The following TFCP2 variants were observed in gnomAD, a reference collection of about 807,000 sequenced individuals.
TFCP2 encodes the protein alpha-globin transcription factor CP2.
In TFCP2, 33 loss-of-function variants were observed where a neutral mutation model predicts 73.4. That is an observed-to-expected ratio of 0.45 (90% CI 0.34 to 0.60). The LOEUF (loss-of-function observed/expected upper bound fraction) is 0.60, where lower values mean the gene tolerates loss of function less well. Ranked by LOEUF, TFCP2 falls within the 20% of genes least tolerant of loss-of-function variation. The pLI is 0.01. For missense variants in TFCP2, 352 were observed against 604.0 expected (o/e 0.58, Z 4.37); for synonymous variants, 193 against 211.6 (o/e 0.91, Z 0.76).
intron 1 of TFCP2, among the ~76,000 whole-genome samples, chr12:51,152,787 T>G (rs1941455838): frequency 2.6e-5 from 4 of 152,216 alleles, no homozygotes; most frequent in Admixed American, 2.6e-4. Flanking sequence ...CCCAACTGCT[T>G]TTTATTGTGA....
intron 1 of TFCP2, among the ~76,000 whole-genome samples, chr12:51,163,608 T>TA (rs908408060): frequency 4.0e-5 from 6 of 151,050 alleles, no homozygotes; most frequent in Non-Finnish European, 7.4e-5. Context: ...AATAAATAAA[T>TA]AATAATAACA....
chr12:51,112,492 C>T (rs959754648), intron 4 of TFCP2, among the ~76,000 whole-genome samples: 2 of 152,062 alleles, frequency 1.3e-5, no homozygotes, highest in Non-Finnish European at 2.9e-5. Context: ...AAGAGTATTG[C>T]TATTGAAGGG....
intron 1 of TFCP2, among the ~76,000 whole-genome samples, chr12:51,169,506 GA>G (rs1156270636): frequency 1.3e-4 from 16 of 121,884 alleles, no homozygotes; most frequent in Admixed American, 2.5e-4. Context: ...ATCTCAAAAA[GA>G]AAAAAAAAAA....
chr12:51,108,970 T>C, intron 6 of TFCP2, 151 bp downstream of exon 6: 4 of 814,650 alleles, frequency 4.9e-6, no homozygotes, highest in Non-Finnish European at 5.7e-6. Context: ...ACCAGGCATC[T>C]TGGTAATTAT....
intron 11 of TFCP2, among the ~76,000 whole-genome samples, chr12:51,100,131 T>C (rs574829564): frequency 7.4e-4 from 112 of 152,354 alleles, no homozygotes; most frequent in African/African-American, 2.4e-3. Context: ...TGACTGCCAT[T>C]CACTTACATT....
intron 5 of TFCP2, among the ~76,000 whole-genome samples, chr12:51,109,966 G>T (rs1294340408): frequency 6.6e-6 from 1 of 152,060 alleles, no homozygotes; most frequent in Non-Finnish European, 1.5e-5. Context: ...TGATCTGCCT[G>T]CCTCGGCCTC....
chr12:51,095,402 G>A lies in TFCP2; in HGVS notation c.1472-124C>T. ...AGGGAGGTGGAGGTTGCAGTGAGCT[G>A]AGATCACGCCACTGGACTCCAGCTT... On this transcript the variant is annotated intron_variant, in intron 14 of 14. Coordinates refer to ENST00000257915, the MANE Select transcript of TFCP2 (RefSeq NM_005653.5). 4 of 992,670 alleles carry A rather than the reference G, an allele frequency of 4.0e-6. No homozygotes were observed. In the Admixed American group the frequency reaches 5.4e-5, roughly 13 times the overall value. The allele number at this position is 992,670 out of a possible 1,614,324, so 61.5% of individuals were successfully genotyped here.
At chr12:51,145,849 G>C (rs1456572915) in intron 1 of TFCP2, among the ~76,000 whole-genome samples, 2 of 151,812 alleles carry the variant, frequency 1.3e-5, no homozygotes, top group African/African-American at 4.8e-5. Context: ...CTCCTTGACA[G>C]GCAGAGGCAG....
chr12:51,164,849 A>G (rs890536298), intron 1 of TFCP2, among the ~76,000 whole-genome samples: 6 of 152,214 alleles, frequency 3.9e-5, no homozygotes, highest in African/African-American at 1.4e-4. Flanking sequence ...AAAAGTCTCA[A>G]CAAACCTATA....
Position 51,095,242 on chromosome 12 carries a change from T to A in TFCP2, c.1508A>T (p.Ter503LeuextTer77). 6.2e-7 allele frequency: 1 copy of A among 1,614,072 alleles called. No homozygotes were observed. The highest frequency in any genetic ancestry group is 8.5e-7 in the Non-Finnish European group (1 of 1,180,026). Residue 503 changes from the stop codon to leucine (L), a stop_lost, in exon 15 of 15, where the codon TAG (stop) becomes TTG (leucine). Transcript: ENST00000257915. ...TNDSYHIILK[*>L] ...CACTGGGCACGAAACGCCGCACTCC[T>A]ACTTCAGTATGATATGATAGCTATC...
chr12:51,155,884 A>G (rs1941524764), intron 1 of TFCP2, among the ~76,000 whole-genome samples: 1 of 152,154 alleles, frequency 6.6e-6, no homozygotes, highest in South Asian at 2.1e-4. Flanking sequence ...TCCACTAAAA[A>G]TTTAAAAATT....
At chr12:51,136,477 C>T (rs1941063401) in intron 1 of TFCP2, among the ~76,000 whole-genome samples, 1 of 151,962 alleles carries the variant, frequency 6.6e-6, no homozygotes, top group Admixed American at 6.6e-5. Context: ...AGCAGTATTA[C>T]TGATAATAAA....
At chr12:51,164,037 T>C (rs1941702859) in intron 1 of TFCP2, among the ~76,000 whole-genome samples, 1 of 151,402 alleles carries the variant, frequency 6.6e-6, no homozygotes, top group African/African-American at 2.4e-5. Context: ...CCCATCTCTA[T>C]GAAATTAAAA....
chr12:51,133,365 C>T (rs1387994054), intron 1 of TFCP2, among the ~76,000 whole-genome samples: 2 of 151,728 alleles, frequency 1.3e-5, no homozygotes, highest in Non-Finnish European at 2.9e-5. Context: ...GGTACAGTGG[C>T]GTAATCACCA....
chr12:51,141,745 C>CA (rs1034022986), intron 1 of TFCP2, among the ~76,000 whole-genome samples: 2,143 of 135,950 alleles, frequency 0.016, 49 homozygotes, highest in African/African-American at 0.051. Context: ...ACTAAAAATA[C>CA]AAAAAAAAAA....
intron 5 of TFCP2, among the ~76,000 whole-genome samples, chr12:51,110,180 T>C (rs1258223068): frequency 6.6e-6 from 1 of 152,202 alleles, no homozygotes; most frequent in African/African-American, 2.4e-5. Context: ...AATAAGGATT[T>C]TCAAGGACTC....
intron 1 of TFCP2, among the ~76,000 whole-genome samples, chr12:51,162,075 GAAGA>G (rs1444422004): frequency 6.6e-6 from 1 of 151,928 alleles, no homozygotes; most frequent in Non-Finnish European, 1.5e-5. Flanking sequence ...TGAACAGGCA[GAAGA>G]AAGAATCAAT....
intron 7 of TFCP2, 124 bp from the exon 8 acceptor site, chr12:51,106,737 G>T: frequency 1.4e-6 from 1 of 739,208 alleles, no homozygotes; most frequent in Non-Finnish European, 2.3e-6. Context: ...ACTCCCATAA[G>T]CAATAGAGAA....
chr12:51,171,404 G>A (rs992598436), intron 1 of TFCP2, among the ~76,000 whole-genome samples: 4 of 152,180 alleles, frequency 2.6e-5, no homozygotes, highest in Non-Finnish European at 5.9e-5. Context: ...TTCAAATGGA[G>A]TCTCACTTTG....
Sources: gnomAD v4.1 joint callset for allele counts (sites outside exome capture counted in the v4.1 genomes callset) on GRCh38, gnomAD v4.1.1 for gene constraint, MANE v1.5 for transcripts, NCBI Gene and HGNC (gene_info 2026-07-23, HGNC 2026-07-21) for gene names.